Variants in PCDHGA3 observed in about 807,000 individuals in gnomAD.
PCDHGA3 encodes the protein protocadherin gamma-A3.
A neutral mutation model predicts 58.5 loss-of-function variants in PCDHGA3; 40 were observed. That is an observed-to-expected ratio of 0.68 (90% CI 0.53 to 0.89). PCDHGA3 has a LOEUF of 0.89. Ranked by LOEUF, PCDHGA3 falls within the 40% of genes least tolerant of loss-of-function variation. The probability of loss-of-function intolerance (pLI) is 0.00; values close to 1 mark genes in which losing one functional copy is unlikely to be tolerated. For synonymous variants in PCDHGA3, 530 were observed against 525.7 expected, an observed-to-expected ratio of 1.01 and a Z score of -0.11; for missense variants, 1,223 against 1,195.9, an observed-to-expected ratio of 1.02 and a Z score of -0.33.
intron 1 of PCDHGA3, chr5:141,389,877 A>T: frequency 6.2e-7 from 1 of 1,614,088 alleles, no homozygotes; most frequent in South Asian, 1.1e-5. Context: ...CTTCGCCGAC[A>T]GCTTGCAGGA....
intron 3 of PCDHGA3, 73 bp from the exon 4 acceptor site, chr5:141,510,874 G>A (rs1419164967): frequency 3.7e-6 from 6 of 1,610,008 alleles, no homozygotes; most frequent in Admixed American, 1.7e-5. Context: ...TTCATTAACT[G>A]CTGGGGATAT....
rs556484142 is a variant in PCDHGA3 at position 141,503,243 on chromosome 5, CA to C, written c.2484-2149del. On this transcript the variant is annotated intron_variant, in intron 2 of 3. Coordinates refer to ENST00000253812, the MANE Select transcript of PCDHGA3 (RefSeq NM_018916.4). ...CACCGTAAAGATGGACAGTTTCTAT[CA>C]TACTCACAGCCACAACCCCAGCACC... Among the ~76,000 whole-genome samples, 232 of 152,196 alleles carry C rather than the reference CA, an allele frequency of 1.5e-3. 2 individuals carry two copies. Among genetic ancestry groups the C allele is most frequent in the African/African-American group, 5.3e-3 (219 of 41,516 alleles).
Position 141,489,323 on chromosome 5 carries a change from C to T in PCDHGA3, c.2425-5484C>T, listed in dbSNP as rs746520513. 1 of 1,601,632 alleles carries T rather than the reference C, an allele frequency of 6.2e-7. No individual in the cohort carries two copies. Among genetic ancestry groups the T allele is most frequent in the Non-Finnish European group, 8.5e-7 (1 of 1,172,950 alleles). ...TCCTTGTGCTGCTGGGGCTGGGTGT[C>T]TGGGCAGCTTCGTTACTCAGTGGTG... On this transcript the variant is annotated intron_variant, in intron 1 of 3. Coordinates refer to ENST00000253812, the MANE Select transcript of PCDHGA3 (RefSeq NM_018916.4). The surrounding 1 kb of genome is among the most constrained non-coding windows in gnomAD (Gnocchi z 4.5).
intron 1 of PCDHGA3, chr5:141,415,740 GTTTTTT>G (rs57426385): frequency 0.053 from 32,266 of 613,620 alleles, 66 homozygotes; most frequent in South Asian, 0.061. Flanking sequence ...GTTTATTAAG[GTTTTTT>G]TTTTTTTTTT....
At chr5:141,373,965 G>T in intron 1 of PCDHGA3, 2 of 971,546 alleles carry the variant, frequency 2.1e-6, no homozygotes, top group East Asian at 2.9e-5. Context: ...GACCTGAAAC[G>T]CTTCGCATCC....
intron 1 of PCDHGA3, among the ~76,000 whole-genome samples, chr5:141,445,923 T>C (rs1169404585): frequency 6.6e-6 from 1 of 152,200 alleles, no homozygotes; most frequent in Non-Finnish European, 1.5e-5. Context: ...AGTGACAAGA[T>C]ATTTGAATTA....
chr5:141,486,011 T>C lies in PCDHGA3; in HGVS notation c.2425-8796T>C. The C allele has an allele frequency of 6.2e-7, 1 of 1,614,188 alleles. No individual in the cohort carries two copies. Among genetic ancestry groups the C allele is most frequent in the Non-Finnish European group, 8.5e-7 (1 of 1,180,014 alleles). ...GGGTCCCAGTGGTAACGTCACCTTTTATTTCAGTGGTCATACCCCTGATCG... is the reference window on the plus strand; with the variant it reads ...GGGTCCCAGTGGTAACGTCACCTTTCATTTCAGTGGTCATACCCCTGATCG... On this transcript the variant is annotated intron_variant, in intron 1 of 3. Coordinates refer to ENST00000253812, the MANE Select transcript of PCDHGA3 (RefSeq NM_018916.4). This position sits in a 1 kb window ranked among gnomAD's most constrained non-coding sequence, Gnocchi z 5.0.
At chr5:141,412,441 G>A (rs1334085357) in intron 1 of PCDHGA3, 2 of 152,124 alleles carry the variant, frequency 1.3e-5, no homozygotes, top group Non-Finnish European at 2.9e-5. Context: ...GTTAATTAAG[G>A]CTCAGTAAAA....
At position 141,476,978 on chromosome 5, in the gene PCDHGA3, C is replaced by T; in HGVS notation, c.2425-17829C>T. 2 of 1,614,256 alleles carry T rather than the reference C, an allele frequency of 1.2e-6. No homozygotes were observed. Among genetic ancestry groups the T allele is most frequent in the Non-Finnish European group, 1.7e-6 (2 of 1,180,058 alleles). ...TATTTACTCCTTCGGCAGCCACAAC[C>T]GCGCCGGCGTGCGGCAACTATTCGC... On this transcript the variant is annotated intron_variant, in intron 1 of 3. Coordinates refer to ENST00000253812, the MANE Select transcript of PCDHGA3 (RefSeq NM_018916.4). This position sits in a 1 kb window ranked among gnomAD's most constrained non-coding sequence, Gnocchi z 7.6.
intron 1 of PCDHGA3, among the ~76,000 whole-genome samples, chr5:141,482,238 A>G (rs560354311): frequency 8.5e-5 from 13 of 152,304 alleles, no homozygotes; most frequent in African/African-American, 2.9e-4. Context: ...TTGCCAATAT[A>G]AGTATAGTAC....
In PCDHGA3 at chr5:141,477,772, C is replaced by G. The variant is rs760319541; in HGVS notation, c.2425-17035C>G. The G allele has an allele frequency of 1.5e-5, 25 of 1,613,908 alleles. No homozygotes were observed. Among genetic ancestry groups the G allele is most frequent in the Non-Finnish European group, 2.1e-5 (25 of 1,180,042 alleles). On this transcript the variant is annotated intron_variant, in intron 1 of 3. Coordinates refer to ENST00000253812, the MANE Select transcript of PCDHGA3 (RefSeq NM_018916.4). This position sits in a 1 kb window ranked among gnomAD's most constrained non-coding sequence, Gnocchi z 4.9. Reference sequence around the variant, plus strand: ...CCCCGGTCCTAGCCACCAACATCAGCGTGAACATATTTGTCACTGATCGCA... The same window carrying G: ...CCCCGGTCCTAGCCACCAACATCAGGGTGAACATATTTGTCACTGATCGCA...
chr5:141,349,145 A>G (rs1758240437), intron 1 of PCDHGA3, among the ~76,000 whole-genome samples: 1 of 152,188 alleles, frequency 6.6e-6, no homozygotes, highest in Non-Finnish European at 1.5e-5. Flanking sequence ...ATCTCAACTC[A>G]CTGCAACCTC....
rs2099388737 is a variant in PCDHGA3 at position 141,476,307 on chromosome 5, G to T, written c.2425-18500G>T. 1 of 1,613,606 alleles carries T rather than the reference G, an allele frequency of 6.2e-7. No individual in the cohort carries two copies. The highest frequency in any genetic ancestry group is 1.3e-5 in the African/African-American group (1 of 74,728). ...TTGGATCTCGGTAGCCTCTCAGCCC[G>T]CAGGTTCCGGGTGGTGTCTGGAGCT... On this transcript the variant is annotated intron_variant, in intron 1 of 3. Coordinates refer to ENST00000253812, the MANE Select transcript of PCDHGA3 (RefSeq NM_018916.4). The surrounding 1 kb of genome is among the most constrained non-coding windows in gnomAD (Gnocchi z 7.6).
chr5:141,414,148 G>A, intron 1 of PCDHGA3: 1 of 1,598,900 alleles, frequency 6.3e-7, no homozygotes, highest in Non-Finnish European at 8.5e-7. Flanking sequence ...AGAAATACAA[G>A]CAGAAGATGG....
intron 1 of PCDHGA3, chr5:141,351,015 T>C (rs752618753): frequency 1.2e-6 from 2 of 1,614,054 alleles, no homozygotes; most frequent in Non-Finnish European, 1.7e-6. Flanking sequence ...CAAGAAAACG[T>C]ACCGTGGGGA....
chr5:141,346,273 G>A lies in PCDHGA3; in HGVS notation c.2240G>A (p.Arg747Gln), dbSNP rs202194695. 6 of 1,614,164 alleles carry A rather than the reference G, an allele frequency of 3.7e-6. No homozygotes were observed. Among genetic ancestry groups the A allele is most frequent in the Middle Eastern group, 1.7e-4 (1 of 6,040 alleles). ...GSHFVGADGV[R>Q]AFLQTYSHEV... ...CACTTTGTGGGCGCGGACGGGGTTCGGGCTTTCCTGCAGACCTATTCCCAC... is the reference window on the plus strand; with the variant it reads ...CACTTTGTGGGCGCGGACGGGGTTCAGGCTTTCCTGCAGACCTATTCCCAC... The change falls in exon 1 of 4, where the codon CGG (arginine) becomes CAG (glutamine). Residue 747 changes from arginine to glutamine, a missense_variant. By Grantham distance (43) the Arg-to-Gln change is conservative. Around this residue, in one of 3 missense-constraint regions of PCDHGA3, gnomAD observed 325 missense variants for 327.5 expected, o/e 0.99. Transcript: ENST00000253812.
At position 141,489,125 on chromosome 5, in the gene PCDHGA3, G is replaced by T. The variant is rs537146985; in HGVS notation, c.2425-5682G>T. 1.1e-4 allele frequency: 77 copies of T among 728,124 alleles called. No individual in the cohort carries two copies. The East Asian group carries it at 1.9e-3, about 18-fold the overall frequency. 45.1% of individuals were successfully genotyped at this position (728,124 alleles called of 1,614,324 possible). A position where few individuals can be genotyped will look rare whatever the true frequency, so the allele number is the denominator to read the frequency against. ...CTGCAAGCAGGCAAACCTCCGAGCAGTTTTTAAGAGGCTGGAAGGAGACAT... is the reference window on the plus strand; with the variant it reads ...CTGCAAGCAGGCAAACCTCCGAGCATTTTTTAAGAGGCTGGAAGGAGACAT... On this transcript the variant is annotated intron_variant, in intron 1 of 3. Coordinates refer to ENST00000253812, the MANE Select transcript of PCDHGA3 (RefSeq NM_018916.4). The surrounding 1 kb of genome is among the most constrained non-coding windows in gnomAD (Gnocchi z 4.5).
At chr5:141,399,644 A>C in intron 1 of PCDHGA3, 1 of 1,613,810 alleles carries the variant, frequency 6.2e-7, no homozygotes, top group Non-Finnish European at 8.5e-7. Flanking sequence ...ATGAGCGCGC[A>C]AAGTGGGGTG....
At chr5:141,414,788 C>T in intron 1 of PCDHGA3, 1 of 1,614,222 alleles carries the variant, frequency 6.2e-7, no homozygotes, top group Non-Finnish European at 8.5e-7. Flanking sequence ...CAGGTGACAG[C>T]CAGCGACAGC....
Sources: gnomAD v4.1 joint callset for allele counts (sites outside exome capture counted in the v4.1 genomes callset) on GRCh38, gnomAD v4.1.1 for gene constraint, gnomAD v4.1.1 regional missense constraint, Gnocchi (gnomAD v3.1) non-coding constraint, MANE v1.5 for transcripts, NCBI Gene and HGNC (gene_info 2026-07-23, HGNC 2026-07-21) for gene names.